The following TRAPPC9 variants were observed in gnomAD, a reference collection of about 807,000 sequenced individuals.
TRAPPC9 encodes the protein IKK2 binding protein.
In TRAPPC9, 83 loss-of-function variants were observed where a neutral mutation model predicts 124.0. The ratio of observed to expected loss-of-function variants is 0.67; its 90% CI spans 0.56 to 0.80. The LOEUF (loss-of-function observed/expected upper bound fraction) is 0.80. Among genes scored for constraint, TRAPPC9 ranks in the 30% least tolerant of loss-of-function variants. The probability of loss-of-function intolerance (pLI) is 0.00; values close to 1 mark genes in which losing one functional copy is unlikely to be tolerated. For synonymous variants in TRAPPC9, 638 were observed against 617.5 expected (o/e 1.03, Z -0.49); for missense variants, 1,302 against 1,508.3 (o/e 0.86, Z 2.27).
chr8:140,451,826 T>C (rs959818903), intron 1 of TRAPPC9, among the ~76,000 whole-genome samples: 6 of 152,116 alleles, frequency 3.9e-5, no homozygotes, highest in African/African-American at 1.4e-4. Flanking sequence ...GTGGTGATAA[T>C]AGAACTTGTC....
At chr8:139,971,189 A>T (rs1836042301) in intron 19 of TRAPPC9, among the ~76,000 whole-genome samples, 1 of 151,420 alleles carries the variant, frequency 6.6e-6, no homozygotes, top group Non-Finnish European at 1.5e-5. Flanking sequence ...CTGATGGCAC[A>T]CTCTCCTGCC....
chr8:140,229,363 A>G (rs1465174302), intron 16 of TRAPPC9, among the ~76,000 whole-genome samples: 2 of 140,698 alleles, frequency 1.4e-5, no homozygotes, highest in Non-Finnish European at 3.0e-5. Flanking sequence ...CCCGGGTTCA[A>G]GCAATTCTCT....
intron 8 of TRAPPC9, among the ~76,000 whole-genome samples, chr8:140,361,307 A>C (rs542956618): frequency 6.6e-6 from 1 of 152,284 alleles, no homozygotes; most frequent in South Asian, 2.1e-4. Flanking sequence ...CAGCCCTGGG[A>C]AACAGCATGC....
intron 18 of TRAPPC9, 138 bp from the exon 19 acceptor site, chr8:139,988,974 G>A (rs1296872959): frequency 2.9e-6 from 2 of 697,856 alleles, no homozygotes; most frequent in African/African-American, 1.8e-5. Flanking sequence ...CCTGGGCTCA[G>A]AGGATTACGG....
At chr8:139,914,752 A>C (rs922550333) in intron 19 of TRAPPC9, 3 of 152,072 alleles carry the variant, frequency 2.0e-5, no homozygotes, top group Non-Finnish European at 4.4e-5. Flanking sequence ...AACAACAACA[A>C]AGCAACGACG....
At chr8:140,231,961 A>G (rs1214507967) in intron 16 of TRAPPC9, among the ~76,000 whole-genome samples, 1 of 152,136 alleles carries the variant, frequency 6.6e-6, no homozygotes, top group African/African-American at 2.4e-5. Context: ...GTTAGTAGAG[A>G]CAGGGTTTTG....
At chr8:140,070,515 C>T (rs1409492446) in intron 17 of TRAPPC9, among the ~76,000 whole-genome samples, 3 of 152,122 alleles carry the variant, frequency 2.0e-5, no homozygotes, top group Non-Finnish European at 2.9e-5. Context: ...TTTCAATAAT[C>T]GACACTTAAT....
intron 17 of TRAPPC9, among the ~76,000 whole-genome samples, chr8:140,043,525 G>A (rs549159796): frequency 2.4e-4 from 36 of 152,202 alleles, no homozygotes; most frequent in Non-Finnish European, 4.0e-4. Flanking sequence ...TGGCTACCCC[G>A]AACCCCAGCC....
chr8:140,403,558 A>AT (rs1172895260), intron 6 of TRAPPC9, among the ~76,000 whole-genome samples: 1 of 152,108 alleles, frequency 6.6e-6, no homozygotes, highest in Non-Finnish European at 1.5e-5. Context: ...ATTGGCAAAT[A>AT]TTTTTCAAAA....
At chr8:140,456,367 G>C (rs1459499604) in intron 1 of TRAPPC9, among the ~76,000 whole-genome samples, 3 of 151,084 alleles carry the variant, frequency 2.0e-5, no homozygotes, top group African/African-American at 7.3e-5. Context: ...AGCCAAGATC[G>C]TGCCATTGCA....
At chr8:140,084,267 A>T (rs1844041411) in intron 17 of TRAPPC9, among the ~76,000 whole-genome samples, 1 of 152,202 alleles carries the variant, frequency 6.6e-6, no homozygotes, top group Non-Finnish European at 1.5e-5. Flanking sequence ...TACTGCTATA[A>T]TGAAAATAAA....
At chr8:140,125,072 C>T (rs2061061374) in intron 17 of TRAPPC9, among the ~76,000 whole-genome samples, 1 of 152,208 alleles carries the variant, frequency 6.6e-6, no homozygotes. Flanking sequence ...GAGATGGCAA[C>T]ATCCCCTGCC....
intron 21 of TRAPPC9, among the ~76,000 whole-genome samples, chr8:139,749,607 C>T (rs189402730): frequency 4.1e-4 from 62 of 152,356 alleles, no homozygotes; most frequent in African/African-American, 1.4e-3. Context: ...GGGCTGACCC[C>T]TGCCTGGTGC....
rs111772227 is a variant in TRAPPC9, at chr8:139,791,132, G to T, written c.3056-58930C>A. Among the ~76,000 whole-genome samples, 6 of 152,282 alleles carry T rather than the reference G, an allele frequency of 3.9e-5. No homozygotes were observed. The East Asian group carries it at 1.2e-3, about 29-fold the overall frequency. ...ATGAAGGAAGGCACGGGGCTCCCAG[G>T]GGAGTGCACAAGCCACGCTGGTGAG... On this transcript the variant is annotated intron_variant, in intron 21 of 22. Transcript: ENST00000438773.
chr8:139,960,969 C>T lies in TRAPPC9; in HGVS notation c.2810+27757G>A, dbSNP rs977847642. On this transcript the variant is annotated intron_variant, in intron 19 of 22. Transcript: ENST00000438773. The stretch of plus-strand genomic sequence containing the variant: ...CTTCAGGGTCCACGTGTCCCCAATA[C>T]CAAGTTCCATAAAACAAGCAAACAA... Among the ~76,000 whole-genome samples, 36 of 125,394 alleles carry T rather than the reference C, an allele frequency of 2.9e-4. 9 individuals carry two copies. Among genetic ancestry groups the T allele is most frequent in the Admixed American group, 9.2e-4 (11 of 11,930 alleles). 82.3% of individuals were successfully genotyped at this position (125,394 alleles called of 152,430 possible).
intron 21 of TRAPPC9, among the ~76,000 whole-genome samples, chr8:139,882,454 A>G (rs1829730174): frequency 6.6e-6 from 1 of 152,214 alleles, no homozygotes; most frequent in Non-Finnish European, 1.5e-5. Flanking sequence ...ACAAGAGTGC[A>G]GTGAATACCA....
intron 17 of TRAPPC9, among the ~76,000 whole-genome samples, chr8:140,197,425 C>T (rs1267478338): frequency 6.6e-6 from 1 of 152,130 alleles, no homozygotes; most frequent in Non-Finnish European, 1.5e-5. Flanking sequence ...CCGTGAGGCC[C>T]AGAGCAGCAC....
intron 2 of TRAPPC9, among the ~76,000 whole-genome samples, chr8:140,440,917 T>G (rs1206366682): frequency 1.3e-5 from 2 of 149,404 alleles, no homozygotes; most frequent in Non-Finnish European, 3.0e-5. Flanking sequence ...CTTCCCTGAC[T>G]CCAACCTCTG....
intron 9 of TRAPPC9, among the ~76,000 whole-genome samples, chr8:140,315,729 A>G (rs1224558168): frequency 6.6e-6 from 1 of 152,222 alleles, no homozygotes; most frequent in Non-Finnish European, 1.5e-5. Context: ...TTAATCCTTT[A>G]AGATACTAGG....
Sources: allele counts gnomAD v4.1 joint callset (sites outside exome capture counted in the v4.1 genomes callset), GRCh38; gene constraint gnomAD v4.1.1; transcripts MANE v1.5; gene names NCBI Gene and HGNC (gene_info 2026-07-23, HGNC 2026-07-21).